CCDC192: variants seen among roughly 807,000 people sequenced by gnomAD.
CCDC192 encodes the protein coiled-coil domain containing 192, also known as coiled-coil domain-containing protein 192.
At chr5:127,797,277 A>G in intron 4 of CCDC192, 43 bp downstream of exon 4, 1 of 394,564 alleles carries the variant, frequency 2.5e-6, no homozygotes, top group Non-Finnish European at 4.5e-6. Context: ...AAAGTTACCT[A>G]ATTTTATATG....
rs554647249 is a variant in CCDC192 at position 127,926,524 on chromosome 5, C to T, written c.536-14658C>T. Among the ~76,000 whole-genome samples the T allele has an allele frequency of 7.2e-4, 109 of 152,152 alleles. 1 individual carries two copies. The highest frequency in any genetic ancestry group is 6.8e-3 in the Middle Eastern group (2 of 294). ...TGCAGGAGCATGTTGCATGACCTAA[C>T]GGGGGTGGAGATAATAAGACAAACT... On this transcript the variant is annotated intron_variant, in intron 6 of 6. Coordinates refer to ENST00000514853, the MANE Select transcript of CCDC192 (RefSeq NM_001317938.2).
intron 2 of CCDC192, among the ~76,000 whole-genome samples, chr5:127,746,258 A>C (rs575113721): frequency 8.5e-5 from 13 of 152,346 alleles, no homozygotes; most frequent in Admixed American, 2.0e-4. Flanking sequence ...GAAAAGTCCT[A>C]TGTTATTTAA....
intron 2 of CCDC192, among the ~76,000 whole-genome samples, chr5:127,718,661 G>A (rs982150467): frequency 6.6e-6 from 1 of 152,166 alleles, no homozygotes; most frequent in African/African-American, 2.4e-5. Context: ...TGTGCAACTT[G>A]CTCATCCTCT....
chr5:127,720,328 T>A (rs1316203305), intron 2 of CCDC192, among the ~76,000 whole-genome samples: 1 of 152,198 alleles, frequency 6.6e-6, no homozygotes, highest in African/African-American at 2.4e-5. Flanking sequence ...AGTCATTAAA[T>A]CTTAAAGCTC....
chr5:127,778,363 G>A (rs1755993910), intron 3 of CCDC192, among the ~76,000 whole-genome samples: 1 of 152,130 alleles, frequency 6.6e-6, no homozygotes, highest in African/African-American at 2.4e-5. Context: ...TTTTGCATCT[G>A]AATTGACCAT....
intron 5 of CCDC192, among the ~76,000 whole-genome samples, chr5:127,864,885 C>T (rs1580768896): frequency 6.6e-6 from 1 of 152,282 alleles, no homozygotes; most frequent in Admixed American, 6.5e-5. Flanking sequence ...TGGTGGTTCA[C>T]GCCTGTAACC....
chr5:127,714,532 G>A (rs1751513892), intron 2 of CCDC192, among the ~76,000 whole-genome samples: 1 of 152,114 alleles, frequency 6.6e-6, no homozygotes, highest in African/African-American at 2.4e-5. Flanking sequence ...GGGACTACAG[G>A]CACATGCCAC....
intron 6 of CCDC192, among the ~76,000 whole-genome samples, chr5:127,898,637 T>C (rs995168433): frequency 4.6e-5 from 7 of 152,080 alleles, no homozygotes; most frequent in Admixed American, 2.6e-4. Flanking sequence ...CAACAGAGCA[T>C]GCAAGAAGGT....
At chr5:127,915,414 C>T (rs116677715) in intron 6 of CCDC192, among the ~76,000 whole-genome samples, 4,250 of 152,292 alleles carry the variant, frequency 0.028, 213 homozygotes, top group African/African-American at 0.095. Flanking sequence ...GATGGAGCCT[C>T]GCTGTCGCCC....
chr5:127,757,465 G>T (rs1485153847), intron 3 of CCDC192, among the ~76,000 whole-genome samples: 1 of 151,996 alleles, frequency 6.6e-6, no homozygotes, highest in East Asian at 1.9e-4. Context: ...GTTGTCAGAG[G>T]ATTTAATCCT....
chr5:127,748,275 G>A (rs1410457478), intron 2 of CCDC192, among the ~76,000 whole-genome samples: 1 of 54,786 alleles, frequency 1.8e-5, no homozygotes, highest in African/African-American at 6.6e-5. Context: ...ATCTTGAATT[G>A]ATTTTTGTAT....
At chr5:127,940,090 C>T (rs1028296740) in intron 6 of CCDC192, among the ~76,000 whole-genome samples, 2 of 152,206 alleles carry the variant, frequency 1.3e-5, no homozygotes, top group African/African-American at 4.8e-5. Flanking sequence ...TTTTGATGGG[C>T]TAGAGAGGTG....
Position 127,711,775 on chromosome 5 carries a change from T to A in CCDC192, c.114+4015T>A, listed in dbSNP as rs566084158. On this transcript the variant is annotated intron_variant, in intron 2 of 6. Coordinates refer to ENST00000514853, the MANE Select transcript of CCDC192 (RefSeq NM_001317938.2). ...ATAAAATTGTATATGTATCTATATT[T>A]AAATAAAGATTTGTTGCTGTTCTGG... Among the ~76,000 whole-genome samples, 165 of 152,322 alleles carry A rather than the reference T, an allele frequency of 1.1e-3. 1 individual carries two copies. Among genetic ancestry groups the A allele is most frequent in the African/African-American group, 3.9e-3 (163 of 41,588 alleles).
chr5:127,751,162 G>A (rs1432525376), intron 2 of CCDC192, among the ~76,000 whole-genome samples: 5 of 149,202 alleles, frequency 3.4e-5, no homozygotes, highest in Admixed American at 6.7e-5. Context: ...TCATTATGAT[G>A]TTAGCTGGTT....
intron 6 of CCDC192, among the ~76,000 whole-genome samples, chr5:127,936,716 T>C (rs184380168): frequency 1.3e-5 from 2 of 152,362 alleles, no homozygotes; most frequent in Admixed American, 6.5e-5. Context: ...GCCTTTCTTG[T>C]TGCAATCTCT....
At chr5:127,750,928 G>A (rs1754119567) in intron 2 of CCDC192, among the ~76,000 whole-genome samples, 1 of 149,910 alleles carries the variant, frequency 6.7e-6, no homozygotes, top group African/African-American at 2.4e-5. Context: ...CAGAGACTAA[G>A]ATTGCAACCC....
intron 5 of CCDC192, among the ~76,000 whole-genome samples, chr5:127,810,496 A>G (rs898391714): frequency 6.6e-5 from 10 of 152,212 alleles, no homozygotes; most frequent in African/African-American, 2.2e-4. Flanking sequence ...ATACCCAGAA[A>G]GGAGAGGGGA....
intron 1 of CCDC192, among the ~76,000 whole-genome samples, chr5:127,704,546 T>C (rs1750851890): frequency 6.6e-6 from 1 of 152,182 alleles, no homozygotes; most frequent in South Asian, 2.1e-4. Context: ...CTTGTTCTTA[T>C]TTGCTTTTCG....
At chr5:127,756,595 C>T (rs1242205613) in intron 3 of CCDC192, among the ~76,000 whole-genome samples, 1 of 152,228 alleles carries the variant, frequency 6.6e-6, no homozygotes, top group African/African-American at 2.4e-5. Context: ...TTAAGCTTTA[C>T]AATAGTGATG....
Sources: allele counts gnomAD v4.1 joint callset (sites outside exome capture counted in the v4.1 genomes callset), GRCh38; gene constraint gnomAD v4.1.1; transcripts MANE v1.5; gene names NCBI Gene and HGNC (gene_info 2026-07-23, HGNC 2026-07-21).